IGFALS: variants seen among roughly 807,000 people sequenced by gnomAD.
The protein encoded by IGFALS is insulin-like growth factor-binding protein complex acid labile subunit.
IGFALS carries 2 observed loss-of-function variants against 2.6 expected under a neutral mutation model. The ratio of observed to expected loss-of-function variants is 0.77; its 90% CI spans 0.32 to 2.44. The LOEUF (loss-of-function observed/expected upper bound fraction) is 2.44, where lower values mean the gene tolerates loss of function less well. Among genes scored for constraint, IGFALS ranks in the 30% most tolerant of loss-of-function variants. IGFALS has a pLI of 0.11. For synonymous variants in IGFALS, 519 were observed against 431.9 expected, an observed-to-expected ratio of 1.20 and a Z score of -2.50; for missense variants, 996 against 848.7, an observed-to-expected ratio of 1.17 and a Z score of -2.16.
rs1255649327 is a variant in IGFALS at position 1,791,265 on chromosome 16, G to A, written c.1153C>T (p.Leu385=). The change falls in exon 2 of 2, where the codon CTG becomes TTG. Residue 385 remains leucine, a synonymous_variant. Coordinates refer to ENST00000215539, the MANE Select transcript of IGFALS (RefSeq NM_004970.3). ...AGGTGCAGGCTGTGCAGCTTGCCCA[G>A]GCCCCGGAACACCTGCTCCGGAAGG... The part of the protein sequence containing the change: ...RNLPEQVFRG[L]GKLHSLHLEG... 1 of 1,609,268 alleles carries A rather than the reference G, an allele frequency of 6.2e-7. No individual in the cohort carries two copies.
Position 1,791,061 on chromosome 16 carries a change from G to A in IGFALS, c.1357C>T (p.Leu453Phe), listed in dbSNP as rs149707428. ...TCCAGCTTGCCCAGGCCCTGGAAGA[G>A]GCGGTGGGGCAGGTGCGTGAGCTGG... ...SNQLTHLPHR[L>F]FQGLGKLEYL... Residue 453 changes from leucine (L) to phenylalanine (F), a missense_variant, in exon 2 of 2, where the codon CTC (leucine) becomes TTC (phenylalanine). Coordinates refer to ENST00000215539, the MANE Select transcript of IGFALS (RefSeq NM_004970.3). 6.3e-7 allele frequency: 1 copy of A among 1,598,488 alleles called. No homozygotes were observed. Among genetic ancestry groups the A allele is most frequent in the Non-Finnish European group, 8.5e-7 (1 of 1,179,694 alleles).
In IGFALS at chr16:1,790,593, G is replaced by A. The variant is rs541725850; in HGVS notation, c.*7C>T. ...CCTGAGTCCGGGGCTTGAGTCCGGG[G>A]ACCTGGTCAGCAGGGAGCAAAGTGG... On this transcript the variant is annotated 3_prime_UTR_variant, in exon 2 of 2. Transcript: ENST00000215539. 5 of 1,560,298 alleles carry A rather than the reference G, an allele frequency of 3.2e-6. No individual in the cohort carries two copies. The South Asian group carries it at 4.7e-5, about 15-fold the overall frequency.
Position 1,791,781 on chromosome 16 carries a change from G to T in IGFALS, c.637C>A (p.Leu213Ile). ...CGGAGCTCGGCCAGGCCGCTGAAGA[G>T]CGCGGGCTGCAGGTAGGCCAGCCTG... ...GNRLAYLQPA[L>I]FSGLAELREL... Residue 213 changes from leucine to isoleucine, a missense_variant, in exon 2 of 2, where the codon CTC becomes ATC. By Grantham distance (5) the Leu-to-Ile change is conservative. Coordinates refer to ENST00000215539, the MANE Select transcript of IGFALS (RefSeq NM_004970.3). The T allele has an allele frequency of 6.5e-7, 1 of 1,548,298 alleles. No individual in the cohort carries two copies. Among genetic ancestry groups the T allele is most frequent in the Non-Finnish European group, 8.7e-7 (1 of 1,150,196 alleles).
Position 1,792,001 on chromosome 16 carries a change from G to T in IGFALS, c.417C>A (p.Leu139=). Residue 139 remains leucine, a synonymous_variant, in exon 2 of 2, where the codon CTC becomes CTA. Transcript: ENST00000215539. ...LERNQLRSLA[L]GTFAHTPALA... ...GCGCGGGCGTGTGTGCAAACGTGCCGAGTGCCAGGCTGCGCAGCTGGTTCC... is the reference window on the plus strand; with the variant it reads ...GCGCGGGCGTGTGTGCAAACGTGCCTAGTGCCAGGCTGCGCAGCTGGTTCC... 2 of 1,608,740 alleles carry T rather than the reference G, an allele frequency of 1.2e-6. No individual in the cohort carries two copies. Among genetic ancestry groups the T allele is most frequent in the South Asian group, 1.1e-5 (1 of 90,690 alleles).
Position 1,791,881 on chromosome 16 carries a change from C to A in IGFALS, c.537G>T (p.Trp179Cys). ...LGSLWDLNLGWNSLAVLPDAA... is the reference protein window; with the variant it reads ...LGSLWDLNLGCNSLAVLPDAA... Reference sequence around the variant, plus strand: ...CATCGGGGAGCACCGCCAGGCTATTCCAGCCGAGGTTGAGGTCCCAGAGGC... The same window carrying A: ...CATCGGGGAGCACCGCCAGGCTATTACAGCCGAGGTTGAGGTCCCAGAGGC... The change falls in exon 2 of 2, where the codon TGG becomes TGT. Residue 179 changes from tryptophan to cysteine, a missense_variant. Physicochemically the swap from Trp to Cys is radical, Grantham distance 215. Coordinates refer to ENST00000215539, the MANE Select transcript of IGFALS (RefSeq NM_004970.3). 6.4e-7 allele frequency: 1 copy of A among 1,564,490 alleles called. No individual in the cohort carries two copies. Among genetic ancestry groups the A allele is most frequent in the South Asian group, 1.2e-5 (1 of 85,726 alleles).
At chr16:1,794,589 T>A (rs2745206), upstream of IGFALS, among the ~76,000 whole-genome samples, 6 of 151,998 alleles carry the variant, frequency 3.9e-5, no homozygotes, top group African/African-American at 1.5e-4. Flanking sequence ...GGCCCCTGGT[T>A]CCCCTCCACC....
chr16:1,794,829 C>G, upstream of IGFALS: 1 of 702,214 alleles, frequency 1.4e-6, no homozygotes, highest in Non-Finnish European at 2.6e-6. Flanking sequence ...ATCCTCAGCT[C>G]CGGCCTCACC....
Position 1,790,739 on chromosome 16 carries a change from C to G in IGFALS, c.1679G>C (p.Arg560Pro). 6.2e-7 allele frequency: 1 copy of G among 1,604,806 alleles called. No individual in the cohort carries two copies. Among genetic ancestry groups the G allele is most frequent in the Non-Finnish European group, 8.5e-7 (1 of 1,176,628 alleles). The change falls in exon 2 of 2, where the codon CGC (arginine) becomes CCC (proline). Residue 560 changes from arginine to proline, a missense_variant. By Grantham distance (103) the Arg-to-Pro change is moderately radical. Coordinates refer to ENST00000215539, the MANE Select transcript of IGFALS (RefSeq NM_004970.3). Reference protein sequence around the residue: ...FALQNPSAVPRFVQAICEGDD... With the variant: ...FALQNPSAVPPFVQAICEGDD... ...CCCCTCACAGATGGCCTGGACGAAG[C>G]GGGGCACAGCACTGGGGTTCTGCAG...
At chr16:1,793,103 GC>G (rs1002007655) in intron 1 of IGFALS, among the ~76,000 whole-genome samples, 2 of 152,152 alleles carry the variant, frequency 1.3e-5, no homozygotes, top group Admixed American at 6.5e-5. Flanking sequence ...CTACTGTATG[GC>G]CCCCCCATCC....
Position 1,790,930 on chromosome 16 carries a change from T to C in IGFALS, c.1488A>G (p.Ala496=), listed in dbSNP as rs1238193712. 4 of 1,592,994 alleles carry C rather than the reference T, an allele frequency of 2.5e-6. No homozygotes were observed. Among genetic ancestry groups the C allele is most frequent in the Non-Finnish European group, 2.6e-6 (3 of 1,176,460 alleles). The change falls in exon 2 of 2, where the codon GCA becomes GCG. Residue 496 remains alanine (A), a synonymous_variant. Coordinates refer to ENST00000215539, the MANE Select transcript of IGFALS (RefSeq NM_004970.3). ...GTGGTGCCAAGAGGCTGTTGGGCAATGCCTCCAGGCGGTTGTGCGAGACGT... is the reference window on the plus strand; with the variant it reads ...GTGGTGCCAAGAGGCTGTTGGGCAACGCCTCCAGGCGGTTGTGCGAGACGT... ...WLDVSHNRLE[A]LPNSLLAPLG... is the part of the protein sequence containing the mutation.
At position 1,791,166 on chromosome 16, in the gene IGFALS, T is replaced by A. The variant is rs777001399; in HGVS notation, c.1252A>T (p.Lys418Ter). 6.2e-7 allele frequency: 1 copy of A among 1,606,918 alleles called. No homozygotes were observed. Among genetic ancestry groups the A allele is most frequent in the South Asian group, 1.1e-5 (1 of 91,058 alleles). The part of the protein sequence containing the change: ...GLSGLRRLFL[K>*]DNGLVGIEEQ... ...TCAATGCCCACGAGGCCGTTGTCCT[T>A]GAGGAAGAGTCGGCGGAGCCCCGAG... is the stretch of plus-strand genomic sequence containing the variant. The change falls in exon 2 of 2, where the codon AAG (lysine) becomes TAG (stop). Residue 418 changes from lysine to a stop codon, truncating the protein, a stop_gained. Coordinates refer to ENST00000215539, the MANE Select transcript of IGFALS (RefSeq NM_004970.3). LOFTEE classifies it low-confidence loss of function (END_TRUNC).
chr16:1,794,014 A>T (rs1488146423), upstream of IGFALS, among the ~76,000 whole-genome samples: 4 of 152,024 alleles, frequency 2.6e-5, no homozygotes, highest in Non-Finnish European at 4.4e-5. Flanking sequence ...CTGGGGCTTG[A>T]GGCCGGTTTG....
rs747839194 is a variant in IGFALS at position 1,791,982 on chromosome 16, G to A, written c.436C>T (p.Pro146Ser). ...SLALGTFAHT[P>S]ALASLGLSNN... ...CTGAGGCCGAGCGAGGCCAGCGCGG[G>A]CGTGTGTGCAAACGTGCCGAGTGCC... Residue 146 changes from proline to serine, a missense_variant, in exon 2 of 2, where the codon CCC becomes TCC. Pro to Ser is a moderately conservative substitution (Grantham distance 74, BLOSUM62 -1). Coordinates refer to ENST00000215539, the MANE Select transcript of IGFALS (RefSeq NM_004970.3). 69 of 1,606,380 alleles carry A rather than the reference G, an allele frequency of 4.3e-5. No individual in the cohort carries two copies. The highest frequency in any genetic ancestry group is 5.0e-5 in the Non-Finnish European group (59 of 1,178,188).
At position 1,792,352 on chromosome 16, in the gene IGFALS, G is replaced by A; in HGVS notation, c.66C>T (p.Pro22=). 6.3e-7 allele frequency: 1 copy of A among 1,590,540 alleles called. No homozygotes were observed. The highest frequency in any genetic ancestry group is 8.5e-7 in the Non-Finnish European group (1 of 1,173,862). The change falls in exon 2 of 2, where the codon CCC becomes CCT. Residue 22 remains proline (P), a synonymous_variant. Coordinates refer to ENST00000215539, the MANE Select transcript of IGFALS (RefSeq NM_004970.3). ...LLLLSWVALG[P]RSLEGADPGT... ...CGGGGTCTGCTCCCTCCAGGCTGCGGGGGCCCAGTGCCACCCAGGACAGCA... is the reference window on the plus strand; with the variant it reads ...CGGGGTCTGCTCCCTCCAGGCTGCGAGGGCCCAGTGCCACCCAGGACAGCA...
upstream of IGFALS, chr16:1,794,908 T>C (rs1682476038): frequency 4.3e-6 from 3 of 702,262 alleles, no homozygotes; most frequent in Non-Finnish European, 7.8e-6. Flanking sequence ...TATCGAGAAT[T>C]GATCATTTTC....
intron 1 of IGFALS, among the ~76,000 whole-genome samples, 188 bp downstream of exon 1, chr16:1,793,449 A>T (rs1332276716): frequency 2.0e-5 from 3 of 151,948 alleles, no homozygotes; most frequent in Non-Finnish European, 4.4e-5. Flanking sequence ...GGTGCCAGGC[A>T]CAGCTGTGTC....
At position 1,792,079 on chromosome 16, in the gene IGFALS, C is replaced by G. The variant is rs1203244217; in HGVS notation, c.339G>C (p.Leu113=). 3 of 1,609,828 alleles carry G rather than the reference C, an allele frequency of 1.9e-6. No individual in the cohort carries two copies. The South Asian group carries it at 3.3e-5, about 18-fold the overall frequency. The part of the protein sequence containing the change: ...LNLQGGQLGS[L]EPQALLGLEN... ...CTAGGCCCAGCAGCGCCTGTGGCTC[C>G]AGGCTGCCCAGCTGGCCGCCCTGCA... The change falls in exon 2 of 2, where the codon CTG becomes CTC. Residue 113 remains leucine (L), a synonymous_variant. Transcript: ENST00000215539.
chr16:1,791,779 G>T lies in IGFALS; in HGVS notation c.639C>A (p.Leu213=). 1 of 1,548,720 alleles carries T rather than the reference G, an allele frequency of 6.5e-7. No homozygotes were observed. The highest frequency in any genetic ancestry group is 2.4e-5 in the East Asian group (1 of 41,242). The change falls in exon 2 of 2, where the codon CTC becomes CTA. Residue 213 remains leucine (L), a synonymous_variant. Coordinates refer to ENST00000215539, the MANE Select transcript of IGFALS (RefSeq NM_004970.3). ...GNRLAYLQPA[L]FSGLAELREL... is the part of the protein sequence containing the mutation. Reference sequence around the variant, plus strand: ...CCCGGAGCTCGGCCAGGCCGCTGAAGAGCGCGGGCTGCAGGTAGGCCAGCC... The same window carrying T: ...CCCGGAGCTCGGCCAGGCCGCTGAATAGCGCGGGCTGCAGGTAGGCCAGCC...
Position 1,791,015 on chromosome 16 carries a change from T to C in IGFALS, c.1403A>G (p.Asn468Ser). The C allele has an allele frequency of 6.3e-7, 1 of 1,598,054 alleles. No homozygotes were observed. Among genetic ancestry groups the C allele is most frequent in the Non-Finnish European group, 8.5e-7 (1 of 1,179,682 alleles). Residue 468 changes from asparagine to serine, a missense_variant, in exon 2 of 2, where the codon AAC becomes AGC. Transcript: ENST00000215539. ...GTCCGCCGGCAGCTCTGCCAGGCGG[T>C]TGCGGGAGAGCAGCAGGTACTCCAG... Reference protein sequence around the residue: ...GKLEYLLLSRNRLAELPADAL... With the variant: ...GKLEYLLLSRSRLAELPADAL...
Sources: allele counts gnomAD v4.1 joint callset (sites outside exome capture counted in the v4.1 genomes callset), GRCh38; gene constraint gnomAD v4.1.1; transcripts MANE v1.5; gene names NCBI Gene and HGNC (gene_info 2026-07-23, HGNC 2026-07-21).